Variants in KDM2B observed in about 807,000 individuals in gnomAD.
KDM2B encodes lysine-specific demethylase 2B.
KDM2B carries 26 observed loss-of-function variants against 150.0 expected under a neutral mutation model. The observed-to-expected ratio is 0.17, with a 90% CI of 0.13 to 0.24. The LOEUF (loss-of-function observed/expected upper bound fraction) is 0.24. KDM2B is among the 10% of genes least tolerant of loss of function. The probability of loss-of-function intolerance (pLI) is 1.00; values close to 1 mark genes in which losing one functional copy is unlikely to be tolerated. For missense variants in KDM2B, 1,265 were observed against 1,816.9 expected, an observed-to-expected ratio of 0.70 and a Z score of 5.52; for synonymous variants, 734 against 729.5, an observed-to-expected ratio of 1.01 and a Z score of -0.10.
In KDM2B at chr12:121,537,063, C is replaced by T. The variant is rs985753099; in HGVS notation, c.684-2473G>A. ...GAGGCCCCTCGGGGGGCTGGGGCCGCCTCTTCCAGACCTGCCTCTCCCGGA... is the reference window on the plus strand; with the variant it reads ...GAGGCCCCTCGGGGGGCTGGGGCCGTCTCTTCCAGACCTGCCTCTCCCGGA... On this transcript the variant is annotated intron_variant, in intron 6 of 22. Transcript: ENST00000377071. The surrounding 1 kb of genome is among the most constrained non-coding windows in gnomAD (Gnocchi z 8.7). Among the ~76,000 whole-genome samples the T allele has an allele frequency of 6.6e-6, 1 of 152,182 alleles. No homozygotes were observed. Among genetic ancestry groups the T allele is most frequent in the Non-Finnish European group, 1.5e-5 (1 of 68,014 alleles).
At chr12:121,466,798 G>A (rs1428114640) in intron 12 of KDM2B, among the ~76,000 whole-genome samples, 2 of 146,240 alleles carry the variant, frequency 1.4e-5, no homozygotes, top group African/African-American at 2.5e-5. Flanking sequence ...CCGCGGGCGA[G>A]GGCGCCGGGG....
chr12:121,515,713 G>GCT (rs1432037813), intron 9 of KDM2B, among the ~76,000 whole-genome samples: 1 of 151,918 alleles, frequency 6.6e-6, no homozygotes, highest in Non-Finnish European at 1.5e-5. Context: ...GAGAGTCCTG[G>GCT]CTCTCACTCA....
At chr12:121,409,777 G>A in the KDM2B span, 1 of 152,232 alleles carries the variant, frequency 6.6e-6, no homozygotes, top group African/African-American at 2.4e-5. Context: ...CAGCTACGAA[G>A]GTACAGGACT....
rs1886623462 is a variant in KDM2B at position 121,520,864 on chromosome 12, A to G, written c.1047+121T>C. 2.4e-6 allele frequency: 1 copy of G among 421,666 alleles called. No homozygotes were observed. The highest frequency in any genetic ancestry group is 4.6e-6 in the Non-Finnish European group (1 of 219,684). The allele number at this position is 421,666 out of a possible 1,614,324, so 26.1% of individuals were successfully genotyped here. ...GAACCAGGACTGAAGCCAGCTTGAG[A>G]GAGGAATCGGGAGGGAGAGGGGAAC... On this transcript the variant is annotated intron_variant, in intron 9 of 22. Transcript: ENST00000377071. This position sits in a 1 kb window ranked among gnomAD's most constrained non-coding sequence, Gnocchi z 4.5.
Position 121,443,073 on chromosome 12 carries a change from C to T in KDM2B, c.2566-43G>A, listed in dbSNP as rs201197924. The T allele has an allele frequency of 3.5e-4, 549 of 1,581,426 alleles. 5 individuals carry two copies. The African/African-American group carries it at 7.4e-3, about 21-fold the overall frequency. ...GGACGCAGAGCTTGCTCCCCGGGCT[C>T]GTGGGATTTGGTCTCCTCGACACCC... On this transcript the variant is annotated intron_variant, in intron 17 of 22. Transcript: ENST00000377071.
chr12:121,436,470 G>A (rs1400241580), intron 22 of KDM2B, among the ~76,000 whole-genome samples: 7 of 150,886 alleles, frequency 4.6e-5, no homozygotes, highest in Middle Eastern at 3.4e-3. Flanking sequence ...GTAGTGAGCC[G>A]AGATCGCGCA....
At chr12:121,494,710 G>A (rs2140360278) in intron 11 of KDM2B, 45 bp from the exon 12 acceptor site, 1 of 1,472,440 alleles carries the variant, frequency 6.8e-7, no homozygotes, top group South Asian at 1.2e-5. Flanking sequence ...GGGAAGGGGA[G>A]GTCTCTGAAG....
the KDM2B span, chr12:121,418,039 C>G: frequency 1.0e-6 from 1 of 991,688 alleles, no homozygotes; most frequent in East Asian, 2.4e-5. Context: ...GCTTCCACAC[C>G]CAGCTGAACT....
intron 11 of KDM2B, among the ~76,000 whole-genome samples, chr12:121,506,821 A>G (rs1487317634): frequency 6.6e-6 from 1 of 152,172 alleles, no homozygotes; most frequent in Non-Finnish European, 1.5e-5. Flanking sequence ...CTGTAATCCC[A>G]GCTACTAGGG....
At chr12:121,428,945 A>T (rs1872657387), downstream of KDM2B, among the ~76,000 whole-genome samples, 1 of 151,746 alleles carries the variant, frequency 6.6e-6, no homozygotes, top group African/African-American at 2.4e-5. Flanking sequence ...TCTTCTCCTT[A>T]AAGAAGTCTG....
Position 121,442,150 on chromosome 12 carries a change from C to G in KDM2B, c.3284+7G>C, listed in dbSNP as rs1186054916. The G allele has an allele frequency of 6.2e-7, 1 of 1,613,030 alleles. No homozygotes were observed. Among genetic ancestry groups the G allele is most frequent in the South Asian group, 1.1e-5 (1 of 91,070 alleles). On this transcript the variant is annotated splice_region_variant and intron_variant, in intron 19 of 22. Coordinates refer to ENST00000377071, the MANE Select transcript of KDM2B (RefSeq NM_032590.5). This position sits in a 1 kb window ranked among gnomAD's most constrained non-coding sequence, Gnocchi z 7.7. ...TAACCTAGAGCCCTACACAGGCCGC[C>G]GCTCACCAGCGGTTCCAGGTCCTGC... is the stretch of plus-strand genomic sequence containing the variant.
chr12:121,486,745 C>G (rs755753882), intron 12 of KDM2B, among the ~76,000 whole-genome samples: 4 of 151,960 alleles, frequency 2.6e-5, no homozygotes, highest in Non-Finnish European at 5.9e-5. Context: ...CAAGGTTGCA[C>G]CACTGCACTC....
chr12:121,426,449 C>G (rs1217117770), downstream of KDM2B, among the ~76,000 whole-genome samples: 1 of 143,620 alleles, frequency 7.0e-6, no homozygotes, highest in African/African-American at 2.6e-5. Context: ...CCCCCTCCCC[C>G]CCCTTTTTTT....
chr12:121,451,871 T>A (rs1555291687), intron 13 of KDM2B, among the ~76,000 whole-genome samples: 2 of 151,554 alleles, frequency 1.3e-5, no homozygotes, highest in African/African-American at 4.9e-5. Context: ...AAGATTCCAC[T>A]GCTGCACTCC....
intron 11 of KDM2B, among the ~76,000 whole-genome samples, chr12:121,507,022 G>C (rs1411723407): frequency 6.6e-6 from 1 of 151,462 alleles, no homozygotes; most frequent in Non-Finnish European, 1.5e-5. Flanking sequence ...GTGTGAACCC[G>C]GGAGGTGGAG....
At chr12:121,436,595 G>T (rs1444443095) in intron 22 of KDM2B, among the ~76,000 whole-genome samples, 2 of 151,990 alleles carry the variant, frequency 1.3e-5, no homozygotes, top group Non-Finnish European at 2.9e-5. Context: ...CATTGACATG[G>T]AAATGAGGAG....
At chr12:121,579,101 G>A (rs374034783) in intron 1 of KDM2B, 155 bp from the exon 2 acceptor site, 9,743 of 806,144 alleles carry the variant, frequency 0.012, 103 homozygotes, top group South Asian at 0.039. Context: ...CAAAGATGCT[G>A]AAAAGCAGGA....
chr12:121,431,947 G>C (rs1443565139), intron 22 of KDM2B, among the ~76,000 whole-genome samples: 1 of 141,952 alleles, frequency 7.0e-6, no homozygotes, highest in Admixed American at 7.6e-5. Flanking sequence ...GCAGTGGCAC[G>C]ACCTCGGCTT....
chr12:121,459,030 G>C (rs888440858), intron 12 of KDM2B, among the ~76,000 whole-genome samples: 1 of 148,754 alleles, frequency 6.7e-6, no homozygotes, highest in East Asian at 2.0e-4. Flanking sequence ...AGGTTGTAGT[G>C]AGCCAAGATC....
Sources: allele counts gnomAD v4.1 joint callset (sites outside exome capture counted in the v4.1 genomes callset), GRCh38; gene constraint gnomAD v4.1.1; non-coding constraint Gnocchi (gnomAD v3.1); transcripts MANE v1.5; gene names NCBI Gene and HGNC (gene_info 2026-07-23, HGNC 2026-07-21).